The following CTNNA3 variants were observed in gnomAD, a reference collection of about 807,000 sequenced individuals.
CTNNA3 encodes catenin alpha 3.
A neutral mutation model predicts 95.7 loss-of-function variants in CTNNA3; 76 were observed. That is an observed-to-expected ratio of 0.79 (90% confidence interval 0.66 to 0.96). CTNNA3 has a LOEUF of 0.96. Ranked by LOEUF, CTNNA3 falls within the 40% of genes least tolerant of loss-of-function variation. CTNNA3 has a pLI of 0.00. For synonymous variants in CTNNA3, 431 were observed against 374.4 expected (o/e 1.15, Z -1.74); for missense variants, 1,191 against 1,089.8 (o/e 1.09, Z -1.31).
At chr10:66,514,992 A>T (rs1840788606) in intron 11 of CTNNA3, among the ~76,000 whole-genome samples, 1 of 152,106 alleles carries the variant, frequency 6.6e-6, no homozygotes, top group Non-Finnish European at 1.5e-5. Flanking sequence ...GACATTTGTC[A>T]TTAGAGATAC....
intron 6 of CTNNA3, among the ~76,000 whole-genome samples, chr10:67,204,377 CCT>C (rs760115432): frequency 1.3e-5 from 2 of 151,856 alleles, no homozygotes; most frequent in African/African-American, 4.8e-5. Context: ...CACCTCCCCC[CCT>C]CTCTCTTCCT....
intron 12 of CTNNA3, among the ~76,000 whole-genome samples, chr10:66,361,464 C>CTCTT (rs58098515): frequency 4.9e-5 from 7 of 143,810 alleles, no homozygotes; most frequent in African/African-American, 1.6e-4. Flanking sequence ...CTTTATCTTT[C>CTCTT]TCTTTCTTTC....
intron 17 of CTNNA3, among the ~76,000 whole-genome samples, chr10:65,941,616 T>G (rs2077431527): frequency 1.3e-5 from 2 of 152,186 alleles, no homozygotes; most frequent in African/African-American, 4.8e-5. Flanking sequence ...AGGCCAGGAT[T>G]TGTGCAAGTA....
chr10:66,141,155 A>C (rs1168943558), intron 13 of CTNNA3, among the ~76,000 whole-genome samples: 4 of 151,978 alleles, frequency 2.6e-5, no homozygotes, highest in Non-Finnish European at 5.9e-5. Context: ...GCTGCTCAGG[A>C]GGCTGAAGCA....
At chr10:66,295,188 A>ATAT (rs1217020193) in intron 12 of CTNNA3, among the ~76,000 whole-genome samples, 1 of 147,276 alleles carries the variant, frequency 6.8e-6, no homozygotes, top group Non-Finnish European at 1.5e-5. Context: ...ATATTTATTG[A>ATAT]CATTATTATT....
At chr10:66,875,942 G>T (rs966742076) in intron 7 of CTNNA3, among the ~76,000 whole-genome samples, 2 of 152,126 alleles carry the variant, frequency 1.3e-5, no homozygotes, top group African/African-American at 4.8e-5. Flanking sequence ...CTACAGATTT[G>T]TGGTGTGTGG....
chr10:67,434,880 A>G (rs1343140720), intron 5 of CTNNA3, among the ~76,000 whole-genome samples: 1 of 152,004 alleles, frequency 6.6e-6, no homozygotes, highest in Admixed American at 6.6e-5. Context: ...ACTGTTTCAT[A>G]TCTAAACCCA....
intron 15 of CTNNA3, among the ~76,000 whole-genome samples, chr10:66,050,934 G>C (rs886556851): frequency 6.6e-6 from 1 of 152,006 alleles, no homozygotes; most frequent in African/African-American, 2.4e-5. Context: ...GCTCACTGCA[G>C]CCTGGAACTT....
chr10:66,959,560 T>A (rs1359067441), intron 7 of CTNNA3, among the ~76,000 whole-genome samples: 3 of 152,076 alleles, frequency 2.0e-5, no homozygotes, highest in African/African-American at 7.2e-5. Flanking sequence ...GAAAGAGAAT[T>A]AACCTCTCTG....
intron 12 of CTNNA3, among the ~76,000 whole-genome samples, chr10:66,314,710 C>T (rs1311859455): frequency 3.3e-5 from 5 of 151,942 alleles, no homozygotes; most frequent in African/African-American, 1.2e-4. Context: ...ACTAACATTT[C>T]AATAATAATT....
intron 10 of CTNNA3, among the ~76,000 whole-genome samples, chr10:66,536,303 G>A (rs12765274): frequency 0.026 from 4,014 of 151,936 alleles, 238 homozygotes; most frequent in East Asian, 0.23. Flanking sequence ...CCAACATGGC[G>A]AAACTCCATC....
chr10:67,467,199 A>G (rs900190408), intron 5 of CTNNA3, among the ~76,000 whole-genome samples: 2 of 152,136 alleles, frequency 1.3e-5, no homozygotes, highest in Admixed American at 6.6e-5. Context: ...AAAGTTTCAC[A>G]TTTTAAAATT....
chr10:66,805,265 C>T (rs187785521), intron 7 of CTNNA3, among the ~76,000 whole-genome samples: 127 of 151,926 alleles, frequency 8.4e-4, no homozygotes, highest in Middle Eastern at 3.4e-3. Context: ...TAAATCATAG[C>T]CGTGTGTACA....
chr10:66,577,086 A>G (rs1284621112), intron 10 of CTNNA3, among the ~76,000 whole-genome samples: 2 of 150,622 alleles, frequency 1.3e-5, no homozygotes, highest in Non-Finnish European at 3.0e-5. Flanking sequence ...ATTAGTCATA[A>G]TGAACATTTT....
At chr10:67,143,623 T>A (rs1235715338) in intron 7 of CTNNA3, among the ~76,000 whole-genome samples, 4 of 152,070 alleles carry the variant, frequency 2.6e-5, no homozygotes, top group African/African-American at 7.2e-5. Context: ...GGAATAGAGT[T>A]CATCTCAAGA....
chr10:66,787,243 G>A (rs984584331), intron 7 of CTNNA3, among the ~76,000 whole-genome samples: 5 of 151,524 alleles, frequency 3.3e-5, no homozygotes, highest in African/African-American at 1.2e-4. Context: ...CAGATGTGTT[G>A]ATGTCTCGAT....
intron 15 of CTNNA3, among the ~76,000 whole-genome samples, chr10:66,052,159 A>T (rs1407758113): frequency 6.6e-6 from 1 of 152,186 alleles, no homozygotes; most frequent in African/African-American, 2.4e-5. Flanking sequence ...CCATTATATG[A>T]ACAAACAGAA....
At chr10:66,755,980 T>C (rs1393398770) in intron 9 of CTNNA3, among the ~76,000 whole-genome samples, 1 of 152,138 alleles carries the variant, frequency 6.6e-6, no homozygotes, top group Non-Finnish European at 1.5e-5. Context: ...AGAGGTAGAG[T>C]ATATTTCTTC....
chr10:67,140,506 A>AT (rs1369713640), intron 7 of CTNNA3, among the ~76,000 whole-genome samples: 1 of 152,160 alleles, frequency 6.6e-6, no homozygotes, highest in Non-Finnish European at 1.5e-5. Flanking sequence ...ATTTAAAATA[A>AT]TTTTTTTAAA....
Sources: allele counts gnomAD v4.1 joint callset (sites outside exome capture counted in the v4.1 genomes callset), GRCh38; gene constraint gnomAD v4.1.1; transcripts MANE v1.5; gene names NCBI Gene and HGNC (gene_info 2026-07-23, HGNC 2026-07-21).